PPIL2: variants seen among roughly 807,000 people sequenced by gnomAD.
PPIL2 encodes the protein RING-type E3 ubiquitin-protein ligase PPIL2.
In PPIL2, 50 loss-of-function variants were observed where a neutral mutation model predicts 75.2. That is an observed-to-expected ratio of 0.66 (90% CI 0.53 to 0.84). The LOEUF (loss-of-function observed/expected upper bound fraction) is 0.84. Ranked by LOEUF, PPIL2 falls within the 40% of genes least tolerant of loss-of-function variation. The pLI is 0.00. For missense variants in PPIL2, 590 were observed against 685.0 expected, an observed-to-expected ratio of 0.86 and a Z score of 1.55; for synonymous variants, 245 against 258.8, an observed-to-expected ratio of 0.95 and a Z score of 0.51.
chr22:21,677,665 T>G (rs986803542), intron 6 of PPIL2, among the ~76,000 whole-genome samples: 6 of 151,850 alleles, frequency 4.0e-5, no homozygotes, highest in Non-Finnish European at 2.9e-5. Flanking sequence ...CAGCTTTGGC[T>G]CGGCATCAGA....
At position 21,695,000 on chromosome 22, in the gene PPIL2, C is replaced by A; in HGVS notation, c.1396C>A (p.Pro466Thr). ...APETKVKSSQ[P>T]QAGSQGPQTF... is the part of the protein sequence containing the mutation. ...GGAGACCAAAGTGAAGAGCAGCCAG[C>A]CCCAGGCAGGGAGCCAGGGCCCCCA... Residue 466 changes from proline (P) to threonine (T), a missense_variant, in exon 19 of 20, where the codon CCC becomes ACC. By Grantham distance (38) the Pro-to-Thr change is conservative. Coordinates refer to ENST00000398831, the MANE Select transcript of PPIL2 (RefSeq NM_014337.4). 1.2e-6 allele frequency: 2 copies of A among 1,613,652 alleles called. No individual in the cohort carries two copies. The highest frequency in any genetic ancestry group is 1.7e-6 in the Non-Finnish European group (2 of 1,180,010).
Position 21,670,672 on chromosome 22 carries a change from A to C in PPIL2, c.128+61A>C, listed in dbSNP as rs1403240629. 2.6e-6 allele frequency: 4 copies of C among 1,513,790 alleles called. No homozygotes were observed. In the East Asian group the frequency reaches 9.0e-5, roughly 34 times the overall value. The allele number at this position is 1,513,790 out of a possible 1,614,324, so 93.8% of individuals were successfully genotyped here. A position where few individuals can be genotyped will look rare whatever the true frequency, so the allele number is the denominator to read the frequency against. ...TGTTCTCTGATCCTGTCTGATAGTG[A>C]ATCTGCCCCTTGTGGATGTGGGGTT... On this transcript the variant is annotated intron_variant, in intron 3 of 19. Coordinates refer to ENST00000398831, the MANE Select transcript of PPIL2 (RefSeq NM_014337.4).
intron 19 of PPIL2, 42 bp downstream of exon 19, chr22:21,695,112 T>C (rs2067863400): frequency 6.5e-7 from 1 of 1,541,308 alleles, no homozygotes; most frequent in Non-Finnish European, 8.7e-7. Flanking sequence ...CCATGGTGTT[T>C]CCTAGGGCTG....
intron 5 of PPIL2, among the ~76,000 whole-genome samples, chr22:21,674,514 T>C (rs1297048967): frequency 6.6e-6 from 1 of 152,160 alleles, no homozygotes; most frequent in African/African-American, 2.4e-5. Context: ...ACAGAGCACT[T>C]TGGGAGGCTC....
At chr22:21,690,210 C>T (rs376700620) in intron 15 of PPIL2, among the ~76,000 whole-genome samples, 10 of 151,920 alleles carry the variant, frequency 6.6e-5, no homozygotes, top group Admixed American at 1.3e-4. Context: ...TGGCAAAACC[C>T]GATCTCTACA....
At position 21,686,935 on chromosome 22, in the gene PPIL2, G is replaced by C; in HGVS notation, c.834G>C (p.Lys278Asn). The change falls in exon 12 of 20, where the codon AAG (lysine) becomes AAC (asparagine). Residue 278 changes from lysine (K) to asparagine (N), a missense_variant. Transcript: ENST00000398831. ...EDVLRYQFVKKKGYVRLHTNK... is the reference protein window; with the variant it reads ...EDVLRYQFVKNKGYVRLHTNK... The stretch of plus-strand genomic sequence containing the variant: ...TGCTGCGCTACCAGTTTGTGAAGAA[G>C]AAGGGCTACGTGCGGCTGCACACCA... 1 of 1,614,104 alleles carries C rather than the reference G, an allele frequency of 6.2e-7. No individual in the cohort carries two copies. The highest frequency in any genetic ancestry group is 8.5e-7 in the Non-Finnish European group (1 of 1,180,022).
At chr22:21,682,979 C>T (rs919495619) in intron 8 of PPIL2, among the ~76,000 whole-genome samples, 3 of 152,186 alleles carry the variant, frequency 2.0e-5, no homozygotes, top group Non-Finnish European at 2.9e-5. Flanking sequence ...AGCGAGGCTG[C>T]GTCCCCGTCC....
At chr22:21,681,093 G>GACCC (rs1451772630) in intron 6 of PPIL2, among the ~76,000 whole-genome samples, 2 of 152,186 alleles carry the variant, frequency 1.3e-5, no homozygotes, top group African/African-American at 4.8e-5. Flanking sequence ...CTTGCAGGAT[G>GACCC]AATAGGAGTT....
At chr22:21,685,021 G>A (rs894007804) in intron 10 of PPIL2, 108 bp downstream of exon 10, 154 of 1,408,210 alleles carry the variant, frequency 1.1e-4, no homozygotes, top group Middle Eastern at 7.7e-4. Flanking sequence ...TGGGATACAC[G>A]GCAGGGAGGC....
chr22:21,669,904 C>T lies in PPIL2; in HGVS notation c.33-9C>T, dbSNP rs1436890361. On this transcript the variant is annotated splice_polypyrimidine_tract_variant and intron_variant, in intron 1 of 19. Transcript: ENST00000398831. ...GGTGGTGGTAGCATTATCTTCCTCTCTTCTTCAGGTACATTACCTGTGCTG... is the reference window on the plus strand; with the variant it reads ...GGTGGTGGTAGCATTATCTTCCTCTTTTCTTCAGGTACATTACCTGTGCTG... 6.2e-7 allele frequency: 1 copy of T among 1,613,150 alleles called. No homozygotes were observed.
chr22:21,694,475 C>T, intron 16 of PPIL2, 118 bp from the exon 17 acceptor site: 2 of 1,147,154 alleles, frequency 1.7e-6, no homozygotes, highest in Non-Finnish European at 2.5e-6. Flanking sequence ...GGCTGCTGCC[C>T]AAGGACCACC....
At chr22:21,689,844 G>A (rs1247801834) in intron 15 of PPIL2, among the ~76,000 whole-genome samples, 2 of 152,214 alleles carry the variant, frequency 1.3e-5, no homozygotes, top group East Asian at 3.8e-4. Flanking sequence ...TGATGATTCT[G>A]TCCTTTTTCT....
At chr22:21,692,346 G>A (rs983537893) in intron 15 of PPIL2, among the ~76,000 whole-genome samples, 12 of 151,388 alleles carry the variant, frequency 7.9e-5, no homozygotes, top group Non-Finnish European at 1.2e-4. Flanking sequence ...AGTAGAGATG[G>A]GGTTTCACCG....
rs2067871501 is a variant in PPIL2, at chr22:21,695,283, G to C, written c.1467-111G>C. The C allele has an allele frequency of 2.2e-6, 3 of 1,348,534 alleles. No homozygotes were observed. The South Asian group carries it at 4.1e-5, about 19-fold the overall frequency. The allele number at this position is 1,348,534 out of a possible 1,614,324, so 83.5% of individuals were successfully genotyped here. A position where few individuals can be genotyped will look rare whatever the true frequency, so the allele number is the denominator to read the frequency against. ...AGATCAAATTCAGGGGGATGTGGGA[G>C]CAGCAGGTGGGAGGGGTTGGGCCTA... On this transcript the variant is annotated intron_variant, in intron 19 of 19. Coordinates refer to ENST00000398831, the MANE Select transcript of PPIL2 (RefSeq NM_014337.4).
chr22:21,695,236 C>T lies in PPIL2; in HGVS notation c.1467-158C>T. 4 of 1,327,080 alleles carry T rather than the reference C, an allele frequency of 3.0e-6. No individual in the cohort carries two copies. The South Asian group carries it at 4.5e-5, about 15-fold the overall frequency. 82.2% of individuals were successfully genotyped at this position (1,327,080 alleles called of 1,614,324 possible). A position where few individuals can be genotyped will look rare whatever the true frequency, so the allele number is the denominator to read the frequency against. On this transcript the variant is annotated intron_variant, in intron 19 of 19. Coordinates refer to ENST00000398831, the MANE Select transcript of PPIL2 (RefSeq NM_014337.4). Reference sequence around the variant, plus strand: ...CGAGGGACTGCCTCTGAAGGCCTGGCCGGGGCCTCTGTGGGTGGAAGAGAT... The same window carrying T: ...CGAGGGACTGCCTCTGAAGGCCTGGTCGGGGCCTCTGTGGGTGGAAGAGAT...
intron 4 of PPIL2, among the ~76,000 whole-genome samples, chr22:21,671,686 G>A (rs1247820856): frequency 6.6e-6 from 1 of 152,046 alleles, no homozygotes; most frequent in African/African-American, 2.4e-5. Flanking sequence ...GAGATTTCAG[G>A]CACACACCAT....
intron 7 of PPIL2, 94 bp downstream of exon 7, chr22:21,681,484 G>A (rs1339561655): frequency 6.1e-6 from 7 of 1,152,542 alleles, no homozygotes; most frequent in South Asian, 3.9e-5. Flanking sequence ...CTACGTGTAC[G>A]GCCTGTCCTC....
At chr22:21,674,958 C>T in intron 5 of PPIL2, 106 bp from the exon 6 acceptor site, 1 of 1,001,226 alleles carries the variant, frequency 1.0e-6, no homozygotes, top group Non-Finnish European at 1.5e-6. Flanking sequence ...CAGAGCTGCA[C>T]AGGGTTGGCC....
At chr22:21,685,677 C>T (rs754545980) in intron 10 of PPIL2, 12 of 452,856 alleles carry the variant, frequency 2.6e-5, no homozygotes, top group South Asian at 1.9e-4. Flanking sequence ...GAATTCCTGG[C>T]TTCAAGTGAG....
Sources: gnomAD v4.1 joint callset for allele counts (sites outside exome capture counted in the v4.1 genomes callset) on GRCh38, gnomAD v4.1.1 for gene constraint, MANE v1.5 for transcripts, NCBI Gene and HGNC (gene_info 2026-07-23, HGNC 2026-07-21) for gene names.